The following ACACA variants were observed in gnomAD, a reference collection of about 807,000 sequenced individuals.
ACACA encodes acetyl-CoA carboxylase 1.
A neutral mutation model predicts 296.1 loss-of-function variants in ACACA; 103 were observed. That is an observed-to-expected ratio of 0.35 (90% confidence interval 0.30 to 0.41). ACACA has a LOEUF of 0.41. Among genes scored for constraint, ACACA ranks in the 10% least tolerant of loss-of-function variants. The probability of loss-of-function intolerance (pLI) is 1.00; values close to 1 mark genes in which losing one functional copy is unlikely to be tolerated. For synonymous variants in ACACA, 953 were observed against 1,038.6 expected, an observed-to-expected ratio of 0.92 and a Z score of 1.58; for missense variants, 1,554 against 2,989.7, an observed-to-expected ratio of 0.52 and a Z score of 11.20.
chr17:37,263,924 C>T (rs747580588), intron 10 of ACACA, 30 bp from the exon 11 acceptor site: 2 of 1,581,118 alleles, frequency 1.3e-6, no homozygotes, highest in South Asian at 1.1e-5. Flanking sequence ...AAAAAAAAAC[C>T]AATTCTTAAA....
At chr17:37,366,614 A>G (rs1344808536) in intron 1 of ACACA, among the ~76,000 whole-genome samples, 1 of 151,644 alleles carries the variant, frequency 6.6e-6, no homozygotes, top group South Asian at 2.1e-4. Flanking sequence ...GATTACAGGC[A>G]CCTGCCACCA....
chr17:37,200,015 A>G, intron 35 of ACACA, 124 bp downstream of exon 35: 2 of 755,082 alleles, frequency 2.6e-6, no homozygotes, highest in East Asian at 2.7e-5. Flanking sequence ...ATTTATTATA[A>G]TAATTTCTAA....
Position 37,330,338 on chromosome 17 carries a change from A to G in ACACA, c.173T>C (p.Ile58Thr), listed in dbSNP as rs761199252. 9 of 1,614,230 alleles carry G rather than the reference A, an allele frequency of 5.6e-6. No individual in the cohort carries two copies. Among genetic ancestry groups the G allele is most frequent in the East Asian group, 4.5e-5 (2 of 44,894 alleles). ...LELNQHSRFI[I>T]GSVSEDNSED... ...TGAGTTATCTTCAGACACAGAACCT[A>G]TTATGAATCGAGAGTGCTGGTTCAG... Residue 58 changes from isoleucine (I) to threonine (T), a missense_variant, in exon 3 of 56, where the codon ATA (isoleucine) becomes ACA (threonine). Ile to Thr is a moderately conservative substitution (Grantham distance 89, BLOSUM62 -1). Around this residue, in one of 16 missense-constraint regions of ACACA, gnomAD observed 140 missense variants for 147.7 expected, o/e 0.95. Transcript: ENST00000616317.
intron 3 of ACACA, among the ~76,000 whole-genome samples, chr17:37,323,446 T>C (rs1452649836): frequency 6.6e-6 from 1 of 152,206 alleles, no homozygotes; most frequent in Non-Finnish European, 1.5e-5. Context: ...ATTTTAAAAA[T>C]TAGCTCAGCA....
intron 1 of ACACA, among the ~76,000 whole-genome samples, chr17:37,395,103 A>G (rs1169540679): frequency 1.3e-5 from 2 of 152,010 alleles, no homozygotes; most frequent in Non-Finnish European, 2.9e-5. Flanking sequence ...AAAAAGACAC[A>G]TACAAAACTT....
chr17:37,119,153 G>A (rs2074397294), intron 50 of ACACA, among the ~76,000 whole-genome samples: 1 of 152,204 alleles, frequency 6.6e-6, no homozygotes, highest in Non-Finnish European at 1.5e-5. Context: ...AATGCTGAAT[G>A]AACCTCATAT....
intron 2 of ACACA, among the ~76,000 whole-genome samples, chr17:37,331,386 G>C (rs1297585711): frequency 6.7e-6 from 1 of 149,140 alleles, no homozygotes; most frequent in Non-Finnish European, 1.5e-5. Context: ...GGGATTCCAG[G>C]TGTGAGCCAC....
intron 45 of ACACA, among the ~76,000 whole-genome samples, chr17:37,132,695 A>G (rs1458226491): frequency 6.6e-6 from 1 of 152,172 alleles, no homozygotes; most frequent in Non-Finnish European, 1.5e-5. Context: ...TCCTATCTCT[A>G]ATACCTGATA....
At chr17:37,386,625 G>A (rs1213047288) in intron 1 of ACACA, among the ~76,000 whole-genome samples, 3 of 152,026 alleles carry the variant, frequency 2.0e-5, no homozygotes, top group South Asian at 2.1e-4. Flanking sequence ...CTCTATAAAG[G>A]TCCCAGAAAT....
intron 5 of ACACA, among the ~76,000 whole-genome samples, chr17:37,278,674 A>C (rs2082374823): frequency 6.6e-6 from 1 of 152,172 alleles, no homozygotes; most frequent in Non-Finnish European, 1.5e-5. Context: ...ACGTGTAGGG[A>C]CTGTAACTAG....
intron 1 of ACACA, among the ~76,000 whole-genome samples, chr17:37,341,518 C>T (rs1187368357): frequency 6.6e-6 from 1 of 151,986 alleles, no homozygotes; most frequent in African/African-American, 2.4e-5. Context: ...GGTGAAACCT[C>T]GTCTTTACTA....
intron 1 of ACACA, among the ~76,000 whole-genome samples, chr17:37,363,577 G>T (rs2049496643): frequency 2.0e-5 from 3 of 152,088 alleles, no homozygotes; most frequent in South Asian, 2.1e-4. Flanking sequence ...CTCTTTGTGT[G>T]CCAGAGTCTC....
chr17:37,138,354 G>A (rs1040720673), intron 45 of ACACA, among the ~76,000 whole-genome samples: 7 of 152,224 alleles, frequency 4.6e-5, no homozygotes, highest in African/African-American at 1.4e-4. Context: ...TCTGTGCACA[G>A]CCAGGGCCCA....
At chr17:37,332,980 G>C (rs2030314) in intron 2 of ACACA, among the ~76,000 whole-genome samples, 4,869 of 151,332 alleles carry the variant, frequency 0.032, 219 homozygotes, top group African/African-American at 0.098. Flanking sequence ...GACTGATCCC[G>C]ACCTCAACTT....
chr17:37,373,708 C>A (rs541907325), intron 1 of ACACA, among the ~76,000 whole-genome samples: 9 of 152,194 alleles, frequency 5.9e-5, no homozygotes, highest in Non-Finnish European at 1.0e-4. Flanking sequence ...AGCAAGCCCT[C>A]AGATCAATTC....
chr17:37,156,138 A>C (rs1399344946), intron 42 of ACACA, among the ~76,000 whole-genome samples: 1 of 133,802 alleles, frequency 7.5e-6, no homozygotes, highest in African/African-American at 2.9e-5. Flanking sequence ...ATCTCAGCTC[A>C]CTGCAAGTTC....
At chr17:37,200,884 G>T (rs2078216217) in intron 33 of ACACA, among the ~76,000 whole-genome samples, 1 of 152,086 alleles carries the variant, frequency 6.6e-6, no homozygotes, top group African/African-American at 2.4e-5. Flanking sequence ...AGAGAGAAAA[G>T]AAGGACTTTC....
intron 3 of ACACA, among the ~76,000 whole-genome samples, chr17:37,291,080 C>CAAAAAAA (rs57643200): frequency 1.2e-5 from 1 of 85,202 alleles, no homozygotes; most frequent in African/African-American, 4.4e-5. Flanking sequence ...GACTCTGTCT[C>CAAAAAAA]AAAAAAAAAA....
chr17:37,368,626 C>T, intron 1 of ACACA: 1 of 152,074 alleles, frequency 6.6e-6, no homozygotes, highest in East Asian at 1.9e-4. Flanking sequence ...ACCAACCCAT[C>T]CGCCCCAATA....
Sources: gnomAD v4.1 joint callset for allele counts (sites outside exome capture counted in the v4.1 genomes callset) on GRCh38, gnomAD v4.1.1 for gene constraint, gnomAD v4.1.1 regional missense constraint, MANE v1.5 for transcripts, NCBI Gene and HGNC (gene_info 2026-07-23, HGNC 2026-07-21) for gene names.